The following AKT3 variants were observed in gnomAD, a reference collection of about 807,000 sequenced individuals.
AKT3 encodes the protein RAC-gamma serine/threonine-protein kinase.
A neutral mutation model predicts 65.3 loss-of-function variants in AKT3; 15 were observed. The observed-to-expected ratio is 0.23, with a 90% confidence interval of 0.15 to 0.35. AKT3 has a LOEUF of 0.35. AKT3 is among the 10% of genes least tolerant of loss of function. The probability of loss-of-function intolerance (pLI) is 1.00; values close to 1 mark genes in which losing one functional copy is unlikely to be tolerated. For missense variants in AKT3, 243 were observed against 576.5 expected (o/e 0.42, Z 5.92); for synonymous variants, 206 against 183.8 (o/e 1.12, Z -0.98).
chr1:243,508,723 T>C (rs185978958), intron 13 of AKT3, among the ~76,000 whole-genome samples: 1 of 145,166 alleles, frequency 6.9e-6, no homozygotes, highest in East Asian at 2.0e-4. Context: ...TGGAGGGCAA[T>C]GTTGTGATCT....
At chr1:243,671,114 T>C (rs1017910791) in intron 3 of AKT3, among the ~76,000 whole-genome samples, 4 of 150,766 alleles carry the variant, frequency 2.7e-5, no homozygotes, top group Admixed American at 1.3e-4. Flanking sequence ...AGTCTCGCTC[T>C]GTTGCCCAGG....
chr1:243,664,193 T>C (rs1682603418), intron 4 of AKT3, among the ~76,000 whole-genome samples: 1 of 120,680 alleles, frequency 8.3e-6, no homozygotes, highest in Admixed American at 8.1e-5. Flanking sequence ...GTCTTTTTTT[T>C]TTTTTTTTTT....
chr1:243,784,466 T>C (rs1691120458), intron 2 of AKT3, among the ~76,000 whole-genome samples: 1 of 151,804 alleles, frequency 6.6e-6, no homozygotes, highest in Admixed American at 6.6e-5. Context: ...AAAACAAATT[T>C]AGGTCCTAAA....
At chr1:243,819,736 C>T (rs9428585) in intron 2 of AKT3, among the ~76,000 whole-genome samples, 7,191 of 152,228 alleles carry the variant, frequency 0.047, 580 homozygotes, top group African/African-American at 0.16. Context: ...TATATAGGAG[C>T]ATTCCTGCTG....
intron 2 of AKT3, among the ~76,000 whole-genome samples, chr1:243,817,586 C>CA (rs1371208478): frequency 6.6e-6 from 1 of 152,098 alleles, no homozygotes; most frequent in Non-Finnish European, 1.5e-5. Context: ...ACTAAACATG[C>CA]AAAAATTAGC....
intron 12 of AKT3, among the ~76,000 whole-genome samples, chr1:243,527,264 A>G (rs985770993): frequency 6.6e-5 from 10 of 152,204 alleles, no homozygotes; most frequent in African/African-American, 2.4e-4. Context: ...TATTGAAATG[A>G]GTATCAACCA....
At chr1:243,508,946 A>G (rs1346839049) in intron 13 of AKT3, among the ~76,000 whole-genome samples, 1 of 152,078 alleles carries the variant, frequency 6.6e-6, no homozygotes, top group African/African-American at 2.4e-5. Flanking sequence ...TGCTGGGATT[A>G]CAGGTGTGCA....
At chr1:243,546,250 G>C (rs1672669542) in intron 11 of AKT3, among the ~76,000 whole-genome samples, 1 of 152,142 alleles carries the variant, frequency 6.6e-6, no homozygotes, top group Non-Finnish European at 1.5e-5. Flanking sequence ...GGAACTGTAA[G>C]TCCAATAAAC....
At chr1:243,835,206 T>C (rs1173442417) in intron 2 of AKT3, among the ~76,000 whole-genome samples, 1 of 152,212 alleles carries the variant, frequency 6.6e-6, no homozygotes, top group Non-Finnish European at 1.5e-5. Context: ...ACCCACTAGA[T>C]GCCAGTAGCA....
chr1:243,549,160 A>G (rs1219895835), intron 11 of AKT3, among the ~76,000 whole-genome samples: 2 of 152,086 alleles, frequency 1.3e-5, no homozygotes, highest in African/African-American at 2.4e-5. Flanking sequence ...TTAAGCATTC[A>G]TTCTATTATT....
chr1:243,808,233 A>G (rs1692881470), intron 2 of AKT3: 1 of 152,246 alleles, frequency 6.6e-6, no homozygotes, highest in Non-Finnish European at 1.5e-5. Context: ...AACTTCTCAG[A>G]GCTAAAGGAG....
chr1:243,707,227 G>A (rs945207740), intron 2 of AKT3, among the ~76,000 whole-genome samples: 31 of 152,148 alleles, frequency 2.0e-4, no homozygotes, highest in Non-Finnish European at 1.5e-5. Context: ...AGTAACTAGA[G>A]TGTTTAAAAT....
chr1:243,839,411 G>C (rs1323680580), intron 2 of AKT3, among the ~76,000 whole-genome samples: 1 of 152,142 alleles, frequency 6.6e-6, no homozygotes, highest in African/African-American at 2.4e-5. Context: ...AAGTTGTAAG[G>C]AGCTGTCCTG....
intron 2 of AKT3, among the ~76,000 whole-genome samples, chr1:243,798,636 G>C (rs1008274895): frequency 4.6e-5 from 7 of 151,812 alleles, no homozygotes; most frequent in African/African-American, 1.7e-4. Flanking sequence ...CAATTCTATA[G>C]CTCACTCCTA....
At chr1:243,717,648 G>A (rs968235671) in intron 2 of AKT3, among the ~76,000 whole-genome samples, 1 of 152,136 alleles carries the variant, frequency 6.6e-6, no homozygotes, top group East Asian at 1.9e-4. Flanking sequence ...ATTAAAGAAT[G>A]AGACACTGAG....
chr1:243,756,608 A>C (rs1352227995), intron 2 of AKT3, among the ~76,000 whole-genome samples: 1 of 152,264 alleles, frequency 6.6e-6, no homozygotes, highest in Non-Finnish European at 1.5e-5. Flanking sequence ...TTTCCTTATA[A>C]GAGAATCCCA....
chr1:243,840,419 CA>C (rs1427199284), intron 2 of AKT3, among the ~76,000 whole-genome samples: 1 of 152,032 alleles, frequency 6.6e-6, no homozygotes, highest in Non-Finnish European at 1.5e-5. Context: ...ACCTAGGTGA[CA>C]GGTTGACAGG....
At chr1:243,812,023 A>C (rs1178188304) in intron 2 of AKT3, among the ~76,000 whole-genome samples, 4 of 152,340 alleles carry the variant, frequency 2.6e-5, no homozygotes, top group South Asian at 4.1e-4. Flanking sequence ...AAATTAATTC[A>C]AGATGGATTA....
intron 9 of AKT3, among the ~76,000 whole-genome samples, chr1:243,567,184 A>G (rs1339114016): frequency 6.6e-6 from 1 of 152,152 alleles, no homozygotes; most frequent in Non-Finnish European, 1.5e-5. Flanking sequence ...TGGAGGCTGA[A>G]GCGGGAGAGT....
Sources: allele counts gnomAD v4.1 joint callset (sites outside exome capture counted in the v4.1 genomes callset), GRCh38; gene constraint gnomAD v4.1.1; transcripts MANE v1.5; gene names NCBI Gene and HGNC (gene_info 2026-07-23, HGNC 2026-07-21).